NBAS: variants seen among roughly 807,000 people sequenced by gnomAD.
NBAS encodes the protein NAG/BC035112 fusion.
A neutral mutation model predicts 302.5 loss-of-function variants in NBAS; 219 were observed. The ratio of observed to expected loss-of-function variants is 0.72; its 90% CI spans 0.65 to 0.81. NBAS has a LOEUF of 0.81. Among genes scored for constraint, NBAS ranks in the 30% least tolerant of loss-of-function variants. The pLI, the probability that NBAS is intolerant of heterozygous loss-of-function variation, is 0.00. For synonymous variants in NBAS, 1,118 were observed against 1,021.6 expected, an observed-to-expected ratio of 1.09 and a Z score of -1.80; for missense variants, 2,932 against 2,841.6, an observed-to-expected ratio of 1.03 and a Z score of -0.72.
chr2:14,819,947 T>C, the NBAS span, among the ~76,000 whole-genome samples: 5 of 152,068 alleles, frequency 3.3e-5, no homozygotes, highest in African/African-American at 1.2e-4. Flanking sequence ...TAAATGCAAA[T>C]CAAAACTACA....
chr2:15,295,457 T>C (rs1206771161), intron 40 of NBAS, among the ~76,000 whole-genome samples: 5 of 152,210 alleles, frequency 3.3e-5, no homozygotes, highest in Non-Finnish European at 7.3e-5. Flanking sequence ...TACTTAACTA[T>C]GAACTTCATT....
chr2:14,893,398 G>C, the NBAS span, among the ~76,000 whole-genome samples: 2 of 151,908 alleles, frequency 1.3e-5, no homozygotes, highest in African/African-American at 4.8e-5. Context: ...CCTAGTTTTT[G>C]TTACATTTTC....
intron 44 of NBAS, among the ~76,000 whole-genome samples, chr2:15,254,394 CTT>C (rs1324581575): frequency 1.3e-5 from 2 of 152,174 alleles, no homozygotes; most frequent in East Asian, 3.9e-4. Flanking sequence ...CAATTAAACT[CTT>C]TCTTTACTGC....
the NBAS span, among the ~76,000 whole-genome samples, chr2:15,141,795 T>A: frequency 2.0e-5 from 3 of 152,278 alleles, no homozygotes; most frequent in Non-Finnish European, 1.5e-5. Flanking sequence ...ATCATACCCT[T>A]TCCCCCAATA....
In NBAS at chr2:15,241,858, C is replaced by T. The variant is rs77455773; in HGVS notation, c.5725-3172G>A. ...AACTCAAGAACCTTCACAAACTGGT[C>T]CCTAGCTAAGTCTCTGGCTTCGTGG... On this transcript the variant is annotated intron_variant, in intron 44 of 51. Transcript: ENST00000281513. Among the ~76,000 whole-genome samples, 59 of 152,278 alleles carry T rather than the reference C, an allele frequency of 3.9e-4. No homozygotes were observed. The East Asian group carries it at 0.011, about 29-fold the overall frequency.
rs1468526977 is a variant in NBAS at position 15,286,597 on chromosome 2, C to T, written c.5138+476G>A. Among the ~76,000 whole-genome samples the T allele has an allele frequency of 5.3e-5, 8 of 152,206 alleles. No individual in the cohort carries two copies. The East Asian group carries it at 1.3e-3, about 26-fold the overall frequency. On this transcript the variant is annotated intron_variant, in intron 42 of 51. Coordinates refer to ENST00000281513, the MANE Select transcript of NBAS (RefSeq NM_015909.4). ...TACTGTATTGTCTACCTAGAAAATGCTTCCCTTCTACTTCTGTCGTTAATT... is the reference window on the plus strand; with the variant it reads ...TACTGTATTGTCTACCTAGAAAATGTTTCCCTTCTACTTCTGTCGTTAATT...
At chr2:15,440,612 C>T (rs1463846360) in intron 21 of NBAS, among the ~76,000 whole-genome samples, 2 of 152,188 alleles carry the variant, frequency 1.3e-5, no homozygotes, top group African/African-American at 2.4e-5. Context: ...CTCTCCTCCT[C>T]CAAAGGAACG....
At chr2:15,152,797 A>T in the NBAS span, among the ~76,000 whole-genome samples, 3 of 152,386 alleles carry the variant, frequency 2.0e-5, no homozygotes, top group South Asian at 2.1e-4. Flanking sequence ...CAAGAAGTGG[A>T]CTTCCCTCCA....
the NBAS span, among the ~76,000 whole-genome samples, chr2:15,150,936 A>G: frequency 6.6e-6 from 1 of 152,210 alleles, no homozygotes; most frequent in Admixed American, 6.5e-5. Context: ...GGCAAAACCT[A>G]TAGTGAGGAA....
intron 9 of NBAS, among the ~76,000 whole-genome samples, chr2:15,515,138 C>T (rs1025801290): frequency 4.0e-5 from 6 of 151,898 alleles, no homozygotes; most frequent in South Asian, 2.1e-4. Flanking sequence ...AACATCTTCA[C>T]AAAACTGGCA....
intron 28 of NBAS, among the ~76,000 whole-genome samples, chr2:15,387,107 G>A (rs1334913122): frequency 5.5e-5 from 8 of 144,896 alleles, no homozygotes; most frequent in African/African-American, 1.3e-4. Flanking sequence ...TGAAGGAGTC[G>A]CCCAGGCTGG....
chr2:15,533,871 A>G (rs562649311), intron 9 of NBAS, among the ~76,000 whole-genome samples: 8 of 152,346 alleles, frequency 5.3e-5, no homozygotes, highest in African/African-American at 1.9e-4. Context: ...CAATAAACAC[A>G]GAGTAAATCT....
chr2:14,799,009 A>G, the NBAS span, among the ~76,000 whole-genome samples: 3 of 152,094 alleles, frequency 2.0e-5, no homozygotes, highest in South Asian at 6.2e-4. Flanking sequence ...AGAGAATTTT[A>G]CTACTTTGTT....
At chr2:15,545,454 TA>T (rs1664065437) in intron 6 of NBAS, among the ~76,000 whole-genome samples, 1 of 152,014 alleles carries the variant, frequency 6.6e-6, no homozygotes, top group Admixed American at 6.6e-5. Context: ...AAATACCAAG[TA>T]CAAATCTCAA....
At position 15,516,104 on chromosome 2, in the gene NBAS, A is replaced by G. The variant is rs140258096; in HGVS notation, c.747-4754T>C. Among the ~76,000 whole-genome samples the G allele has an allele frequency of 2.5e-3, 383 of 152,350 alleles. 3 individuals are homozygous for G. Among genetic ancestry groups the G allele is most frequent in the African/African-American group, 8.8e-3 (368 of 41,586 alleles). ...AGGAAACATCGAGAAGAAAATTTCA[A>G]GCTTGTGAGAGTTACATGAATGAAG... On this transcript the variant is annotated intron_variant, in intron 9 of 51. Coordinates refer to ENST00000281513, the MANE Select transcript of NBAS (RefSeq NM_015909.4).
chr2:15,338,938 C>T (rs1010965947), intron 35 of NBAS, among the ~76,000 whole-genome samples: 10 of 152,016 alleles, frequency 6.6e-5, no homozygotes, highest in South Asian at 2.1e-4. Context: ...ACTTAAGCCC[C>T]GGAGTTCAAT....
At chr2:15,115,158 A>T in the NBAS span, among the ~76,000 whole-genome samples, 1 of 152,216 alleles carries the variant, frequency 6.6e-6, no homozygotes, top group Admixed American at 6.5e-5. Flanking sequence ...GCACATATAC[A>T]CAAGACATGG....
the NBAS span, among the ~76,000 whole-genome samples, chr2:15,054,071 CA>C: frequency 2.4e-4 from 36 of 152,278 alleles, no homozygotes; most frequent in Non-Finnish European, 1.3e-4. Context: ...CCCCTCCAAA[CA>C]GGACTCTTCA....
chr2:15,485,500 A>G (rs1371931170), intron 12 of NBAS, among the ~76,000 whole-genome samples: 1 of 152,226 alleles, frequency 6.6e-6, no homozygotes, highest in Non-Finnish European at 1.5e-5. Context: ...ACAGTCATGG[A>G]AAGAACATAT....
Sources: gnomAD v4.1 joint callset for allele counts (sites outside exome capture counted in the v4.1 genomes callset) on GRCh38, gnomAD v4.1.1 for gene constraint, MANE v1.5 for transcripts, NCBI Gene and HGNC (gene_info 2026-07-23, HGNC 2026-07-21) for gene names.